ZSCAN23: variants seen among roughly 807,000 people sequenced by gnomAD.
The protein encoded by ZSCAN23 is zinc finger and SCAN domain containing 23, also known as zinc finger and SCAN domain-containing protein 23.
A neutral mutation model predicts 19.3 loss-of-function variants in ZSCAN23; 19 were observed. That is an observed-to-expected ratio of 0.99 (90% CI 0.69 to 1.45). ZSCAN23 has a LOEUF of 1.45. Among genes scored for constraint, ZSCAN23 ranks in the 40% most tolerant of loss-of-function variants. The probability of loss-of-function intolerance (pLI) is 0.00; values close to 1 mark genes in which losing one functional copy is unlikely to be tolerated. For missense variants in ZSCAN23, 372 were observed against 462.5 expected (o/e 0.80, Z 1.79); for synonymous variants, 140 against 166.2 (o/e 0.84, Z 1.21).
intron 1 of ZSCAN23, among the ~76,000 whole-genome samples, chr6:28,442,635 G>A (rs1416502454): frequency 6.6e-6 from 1 of 152,200 alleles, no homozygotes; most frequent in African/African-American, 2.4e-5. Context: ...GTAACTTCCC[G>A]GGTTATAGCT....
Position 28,436,357 on chromosome 6 carries a change from T to A in ZSCAN23, c.-77-14A>T. The A allele has an allele frequency of 7.6e-7, 1 of 1,317,396 alleles. No homozygotes were observed. The highest frequency in any genetic ancestry group is 1.0e-6 in the Non-Finnish European group (1 of 996,404). The allele number at this position is 1,317,396 out of a possible 1,614,324, so 81.6% of individuals were successfully genotyped here. A position where few individuals can be genotyped will look rare whatever the true frequency, so the allele number is the denominator to read the frequency against. ...AAACCCCGAGATCTAGACAATAATT[T>A]ACGAAGAAAAAAATATAAAAATGCA... On this transcript the variant is annotated splice_polypyrimidine_tract_variant and intron_variant, in intron 1 of 3. Transcript: ENST00000289788.
intron 1 of ZSCAN23, among the ~76,000 whole-genome samples, chr6:28,438,310 T>G (rs57366176): frequency 0.068 from 10,313 of 152,222 alleles, 417 homozygotes; most frequent in South Asian, 0.17. Flanking sequence ...TTGGCCAGGC[T>G]GGTCTCGAAC....
chr6:28,434,465 C>G lies in ZSCAN23; in HGVS notation c.1170G>C (p.Ter390TyrextTer8). The change falls in exon 4 of 4, where the codon TAG becomes TAC. Residue 390 changes from the stop codon to tyrosine (Y), a stop_lost. Transcript: ENST00000289788. ...RKVHPVAESS[*>Y] The stretch of plus-strand genomic sequence containing the variant: ...ATTATCCCCTACCTGTTCCAAGGAG[C>G]TAGCTTGATTCAGCCACTGGGTGGA... The G allele has an allele frequency of 6.5e-7, 1 of 1,536,910 alleles. No homozygotes were observed. Among genetic ancestry groups the G allele is most frequent in the Non-Finnish European group, 8.8e-7 (1 of 1,138,500 alleles).
downstream of ZSCAN23, among the ~76,000 whole-genome samples, chr6:28,430,660 C>T (rs567143271): frequency 1.4e-4 from 22 of 152,204 alleles, no homozygotes; most frequent in African/African-American, 5.3e-4. Context: ...AGGCCACCAC[C>T]ACCCCCACCC....
chr6:28,429,932 C>G (rs936663321), downstream of ZSCAN23, among the ~76,000 whole-genome samples: 5 of 149,384 alleles, frequency 3.3e-5, no homozygotes, highest in Admixed American at 6.7e-5. Flanking sequence ...GCACTTCGGC[C>G]GGCTCCTCTG....
At chr6:28,436,508 AG>A (rs1371085230) in intron 1 of ZSCAN23, among the ~76,000 whole-genome samples, 165 bp from the exon 2 acceptor site, 1 of 152,226 alleles carries the variant, frequency 6.6e-6, no homozygotes, top group Non-Finnish European at 1.5e-5. Context: ...TAATATAGGA[AG>A]AAAAAAGAAA....
chr6:28,429,062 C>A (rs1761706581), downstream of ZSCAN23, among the ~76,000 whole-genome samples: 1 of 152,184 alleles, frequency 6.6e-6, no homozygotes, highest in Non-Finnish European at 1.5e-5. Context: ...CCTTCACATA[C>A]TATAACTATC....
chr6:28,422,522 C>T, the ZSCAN23 span, among the ~76,000 whole-genome samples: 1 of 152,128 alleles, frequency 6.6e-6, no homozygotes, highest in Non-Finnish European at 1.5e-5. This position sits in a 1 kb window ranked among gnomAD's most constrained non-coding sequence, Gnocchi z 4.0. Flanking sequence ...ATGTTTCCTA[C>T]ACTCATTTAA....
rs903615213 is a variant in ZSCAN23 at position 28,436,194 on chromosome 6, C to G, written c.73G>C (p.Glu25Gln). 3.2e-6 allele frequency: 5 copies of G among 1,554,846 alleles called. No individual in the cohort carries two copies. Among genetic ancestry groups the G allele is most frequent in the Admixed American group, 2.0e-5 (1 of 51,150 alleles). ...TCTGGCCCACAGGAATGTTCCTCCT[C>G]TTCCTCCTTTACCTTCACTGCCAGA... Reference protein sequence around the residue: ...GLLAVKVKEEEEEHSCGPESG... With the variant: ...GLLAVKVKEEQEEHSCGPESG... The change falls in exon 2 of 4, where the codon GAG (glutamate) becomes CAG (glutamine). Residue 25 changes from glutamate to glutamine, a missense_variant. Physicochemically the swap from Glu to Gln is conservative, Grantham distance 29 (BLOSUM62 2). Coordinates refer to ENST00000289788, the MANE Select transcript of ZSCAN23 (RefSeq NM_001012455.2).
chr6:28,432,550 C>T (rs1761780191), downstream of ZSCAN23: 1 of 152,156 alleles, frequency 6.6e-6, no homozygotes, highest in African/African-American at 2.4e-5. Context: ...ATGTGCAATT[C>T]TGGTTGCCCA....
At chr6:28,437,933 T>C (rs1761926015) in intron 1 of ZSCAN23, among the ~76,000 whole-genome samples, 1 of 152,022 alleles carries the variant, frequency 6.6e-6, no homozygotes, top group African/African-American at 2.4e-5. Flanking sequence ...TGGGAACAGA[T>C]TTTGTGGGTT....
rs1365036199 is a variant in ZSCAN23 at position 28,436,313 on chromosome 6, C to T, written c.-47G>A. On this transcript the variant is annotated 5_prime_UTR_variant, in exon 2 of 4. Transcript: ENST00000289788. ...AAATAATCTATTCTTGATAATTCTC[C>T]CTTGATCTTTTCTTCTGGAAACCCC... 6.9e-7 allele frequency: 1 copy of T among 1,445,080 alleles called. No homozygotes were observed. 89.5% of individuals were successfully genotyped at this position (1,445,080 alleles called of 1,614,324 possible).
the ZSCAN23 span, among the ~76,000 whole-genome samples, chr6:28,421,592 T>C: frequency 6.6e-6 from 1 of 152,262 alleles, no homozygotes; most frequent in African/African-American, 2.4e-5. Flanking sequence ...AATCATTAAA[T>C]TTATCTGGTC....
chr6:28,424,277 T>C, the ZSCAN23 span, among the ~76,000 whole-genome samples: 1 of 152,212 alleles, frequency 6.6e-6, no homozygotes, highest in African/African-American at 2.4e-5. Flanking sequence ...AATTAAAAGA[T>C]ACTTTATTGC....
downstream of ZSCAN23, among the ~76,000 whole-genome samples, chr6:28,428,397 G>A (rs1457283078): frequency 6.6e-6 from 1 of 152,076 alleles, no homozygotes; most frequent in Non-Finnish European, 1.5e-5. Flanking sequence ...CCAAAAACCT[G>A]CCTATTTATC....
intron 1 of ZSCAN23, among the ~76,000 whole-genome samples, chr6:28,439,121 G>A (rs1171294899): frequency 6.7e-6 from 1 of 149,744 alleles, no homozygotes; most frequent in Admixed American, 6.6e-5. Flanking sequence ...TTTTTGAGAC[G>A]GAATCTCACC....
At chr6:28,430,288 G>C (rs919695550), downstream of ZSCAN23, among the ~76,000 whole-genome samples, 2 of 152,080 alleles carry the variant, frequency 1.3e-5, no homozygotes, top group Non-Finnish European at 2.9e-5. Context: ...TGGCTGATGG[G>C]GGTGTAGGAG....
chr6:28,424,171 A>AT, the ZSCAN23 span, among the ~76,000 whole-genome samples: 57 of 152,298 alleles, frequency 3.7e-4, no homozygotes, highest in African/African-American at 5.8e-4. Context: ...GAGTTACACA[A>AT]TTTTTTTGCC....
At chr6:28,435,133 C>T (rs911259879) in intron 3 of ZSCAN23, 55 bp from the exon 4 acceptor site, 11 of 1,462,964 alleles carry the variant, frequency 7.5e-6, no homozygotes, top group African/African-American at 1.4e-5. Flanking sequence ...AACAGATTAT[C>T]TTTCCAAAGA....
Sources: allele counts gnomAD v4.1 joint callset (sites outside exome capture counted in the v4.1 genomes callset), GRCh38; gene constraint gnomAD v4.1.1; non-coding constraint Gnocchi (gnomAD v3.1); transcripts MANE v1.5; gene names NCBI Gene and HGNC (gene_info 2026-07-23, HGNC 2026-07-21).